The following DMD variants were observed in gnomAD, a reference collection of about 807,000 sequenced individuals.
DMD encodes mutant dystrophin.
In DMD, 63 loss-of-function variants were observed where a neutral mutation model predicts 330.1. That is an observed-to-expected ratio of 0.19 (90% CI 0.16 to 0.24). The LOEUF is 0.24. Ranked by LOEUF, DMD falls within the 10% of genes least tolerant of loss-of-function variation. The pLI is 1.00. For synonymous variants in DMD, 1,223 were observed against 959.8 expected, an observed-to-expected ratio of 1.27 and a Z score of -5.07; for missense variants, 3,344 against 2,684.1, an observed-to-expected ratio of 1.25 and a Z score of -5.43.
chrX:33,244,440 T>C (rs1230195216), intron 1 of DMD, among the ~76,000 whole-genome samples: 18 of 111,988 alleles, frequency 1.6e-4, no homozygotes, highest in Non-Finnish European at 3.4e-4. Flanking sequence ...TATATAAGGA[T>C]GGTATCAGGT....
chrX:32,111,666 T>C (rs1569543721), intron 44 of DMD, among the ~76,000 whole-genome samples: 1 of 111,558 alleles, frequency 9.0e-6, no homozygotes, highest in Non-Finnish European at 1.9e-5. Flanking sequence ...TCTTTCTTTT[T>C]GGTTATCATA....
At chrX:32,440,300 T>C (rs757174351) in intron 28 of DMD, among the ~76,000 whole-genome samples, 1 of 111,792 alleles carries the variant, frequency 8.9e-6, no homozygotes, top group Non-Finnish European at 1.9e-5. Flanking sequence ...GAGATCTACT[T>C]CATTGTACTT....
chrX:32,326,135 A>G (rs1173260323), intron 41 of DMD, among the ~76,000 whole-genome samples: 1 of 111,967 alleles, frequency 8.9e-6, no homozygotes, highest in African/African-American at 3.3e-5. Flanking sequence ...ACTTGAAGGG[A>G]CACTAATGAC....
At chrX:31,981,877 C>T (rs753708138) in intron 44 of DMD, among the ~76,000 whole-genome samples, 1 of 112,137 alleles carries the variant, frequency 8.9e-6, no homozygotes, top group East Asian at 2.8e-4. Flanking sequence ...CAGTCCTACC[C>T]CACTGTCAGT....
intron 17 of DMD, among the ~76,000 whole-genome samples, chrX:32,519,661 T>A (rs1475217861): frequency 3.6e-5 from 4 of 112,022 alleles, no homozygotes; most frequent in African/African-American, 1.3e-4. Flanking sequence ...GACTTAAAAC[T>A]TCTAGGAATT....
At chrX:32,255,113 C>T (rs1408877582) in intron 43 of DMD, among the ~76,000 whole-genome samples, 2 of 111,990 alleles carry the variant, frequency 1.8e-5, no homozygotes, top group Non-Finnish European at 3.8e-5. Context: ...GACAGAATTT[C>T]ATTCCTTTTT....
At chrX:31,423,624 C>T (rs2063553129) in intron 60 of DMD, among the ~76,000 whole-genome samples, 1 of 111,841 alleles carries the variant, frequency 8.9e-6, no homozygotes, top group Non-Finnish European at 1.9e-5. Flanking sequence ...AAACTGGAAA[C>T]ACAGCTGTAT....
intron 54 of DMD, among the ~76,000 whole-genome samples, chrX:31,630,381 A>T (rs1211473579): frequency 8.9e-6 from 1 of 112,053 alleles, no homozygotes; most frequent in Non-Finnish European, 1.9e-5. Context: ...GATGGCAATA[A>T]CAGCAGAAAA....
chrX:31,339,291 T>C (rs1046321809), intron 61 of DMD, among the ~76,000 whole-genome samples: 3 of 111,823 alleles, frequency 2.7e-5, no homozygotes, highest in Non-Finnish European at 3.8e-5. Context: ...AAAAGGGCCA[T>C]GACAACACAT....
intron 47 of DMD, among the ~76,000 whole-genome samples, chrX:31,914,399 G>T (rs2094583558): frequency 8.9e-6 from 1 of 112,197 alleles, no homozygotes; most frequent in Non-Finnish European, 1.9e-5. Context: ...CCAAAGAAAG[G>T]AAATCAGTAT....
intron 37 of DMD, among the ~76,000 whole-genome samples, chrX:32,356,356 T>A (rs1260196387): frequency 3.2e-5 from 3 of 93,136 alleles, no homozygotes; most frequent in East Asian, 6.4e-4. Flanking sequence ...ATTACTTTTA[T>A]ATCTTCTGAC....
At chrX:32,493,741 A>C (rs768278118) in intron 19 of DMD, among the ~76,000 whole-genome samples, 30 of 112,159 alleles carry the variant, frequency 2.7e-4, no homozygotes, top group African/African-American at 9.7e-4. Context: ...ATTAGAAAAT[A>C]TACTGGACAG....
chrX:31,178,751 G>T lies in DMD; in HGVS notation c.10141C>A (p.Arg3381=), dbSNP rs104894790. ...DFAKVLKNKF[R]TKRYFAKHPR... ...TGCTTCGCAAAATACCTTTTGGTTCGAAATTTGTTTTTTAGTACCTTGGCA... is the reference window on the plus strand; with the variant it reads ...TGCTTCGCAAAATACCTTTTGGTTCTAAATTTGTTTTTTAGTACCTTGGCA... Residue 3381 remains arginine (R), a synonymous_variant, in exon 70 of 79, where the codon CGA becomes AGA. Coordinates refer to ENST00000357033, the MANE Select transcript of DMD (RefSeq NM_004006.3). 1 of 1,209,604 alleles carries T rather than the reference G, an allele frequency of 8.3e-7. No homozygotes were observed. Among genetic ancestry groups the T allele is most frequent in the Admixed American group, 2.2e-5 (1 of 45,796 alleles).
chrX:31,519,143 C>T (rs936967770), intron 55 of DMD, among the ~76,000 whole-genome samples: 1 of 112,056 alleles, frequency 8.9e-6, no homozygotes, highest in Admixed American at 9.4e-5. Flanking sequence ...CAATACACTC[C>T]TATTCTTCAA....
chrX:32,418,492 G>A (rs183079182), intron 29 of DMD, among the ~76,000 whole-genome samples: 25 of 111,561 alleles, frequency 2.2e-4, no homozygotes, highest in Admixed American at 4.8e-4. Context: ...TTTTATATCC[G>A]TCTACCAACA....
At chrX:33,115,952 G>C (rs2095380840) in intron 1 of DMD, among the ~76,000 whole-genome samples, 1 of 110,569 alleles carries the variant, frequency 9.0e-6, no homozygotes, top group South Asian at 3.9e-4. Flanking sequence ...CCAGCACTTT[G>C]GGAGGCCGAG....
chrX:32,537,736 A>C (rs1346856314), intron 17 of DMD, among the ~76,000 whole-genome samples: 1 of 112,122 alleles, frequency 8.9e-6, no homozygotes, highest in Non-Finnish European at 1.9e-5. Flanking sequence ...TTTGCACTCA[A>C]CTATGCTTCT....
chrX:33,297,720 G>A (rs2053603775), intron 1 of DMD, among the ~76,000 whole-genome samples: 1 of 110,932 alleles, frequency 9.0e-6, no homozygotes, highest in African/African-American at 3.3e-5. Flanking sequence ...GTGAAATAAG[G>A]GCAGAAAAAA....
chrX:33,259,604 C>CG (rs1343737887), intron 1 of DMD, among the ~76,000 whole-genome samples: 3 of 68,964 alleles, frequency 4.4e-5, no homozygotes, highest in African/African-American at 1.6e-4. Context: ...ATCGCCCCCC[C>CG]CCCCCAAAAA....
Sources: allele counts gnomAD v4.1 joint callset (sites outside exome capture counted in the v4.1 genomes callset), GRCh38; gene constraint gnomAD v4.1.1; transcripts MANE v1.5; gene names NCBI Gene and HGNC (gene_info 2026-07-23, HGNC 2026-07-21).